The following ARHGEF10L variants were observed in gnomAD, a reference collection of about 807,000 sequenced individuals.
ARHGEF10L encodes rho guanine nucleotide exchange factor 10-like protein.
Under a neutral mutation model 141.2 loss-of-function variants are expected in ARHGEF10L, and 69 were observed. That is an observed-to-expected ratio of 0.49 (90% CI 0.40 to 0.60). The LOEUF (loss-of-function observed/expected upper bound fraction) is 0.60. Ranked by LOEUF, ARHGEF10L falls within the 20% of genes least tolerant of loss-of-function variation. ARHGEF10L has a pLI of 0.00. For synonymous variants in ARHGEF10L, 711 were observed against 718.5 expected, an observed-to-expected ratio of 0.99 and a Z score of 0.17; for missense variants, 1,482 against 1,734.3, an observed-to-expected ratio of 0.85 and a Z score of 2.58.
chr1:17,561,309 C>G (rs965781083), intron 1 of ARHGEF10L, among the ~76,000 whole-genome samples: 4 of 152,190 alleles, frequency 2.6e-5, no homozygotes, highest in African/African-American at 9.7e-5. Context: ...GGAGCAGTCT[C>G]TCACGGTTCT....
rs540179357 is a variant in ARHGEF10L at position 17,694,734 on chromosome 1, A to G, written c.3185-424A>G. ...CTACTTATGCCTTCCATCTGCACCAACACCGATGAGAAGCTTGCACCTCCC... is the reference window on the plus strand; with the variant it reads ...CTACTTATGCCTTCCATCTGCACCAGCACCGATGAGAAGCTTGCACCTCCC... On this transcript the variant is annotated intron_variant, in intron 27 of 28. Coordinates refer to ENST00000361221, the MANE Select transcript of ARHGEF10L (RefSeq NM_018125.4). 205 of 359,940 alleles carry G rather than the reference A, an allele frequency of 5.7e-4. 4 individuals are homozygous for G. Among genetic ancestry groups the G allele is most frequent in the South Asian group, 4.1e-3 (198 of 48,654 alleles). 22.3% of individuals were successfully genotyped at this position (359,940 alleles called of 1,614,324 possible).
chr1:17,623,122 C>A lies in ARHGEF10L; in HGVS notation c.1147C>A (p.Arg383Ser), dbSNP rs1317051284. 1 of 1,614,042 alleles carries A rather than the reference C, an allele frequency of 6.2e-7. No homozygotes were observed. Residue 383 changes from arginine (R) to serine (S), a missense_variant, in exon 12 of 29, where the codon CGC becomes AGC. Arg to Ser is a moderately radical substitution (Grantham distance 110, BLOSUM62 -1). Coordinates refer to ENST00000361221, the MANE Select transcript of ARHGEF10L (RefSeq NM_018125.4). The surrounding 1 kb of genome is among the most constrained non-coding windows in gnomAD (Gnocchi z 4.7). ...HSMFQIALSS[R>S]VAEWDSTEKI... ...CATGTTCCAGATCGCCCTGTCCTCC[C>A]GCGTGGCTGAGTGGGATTCCACCGA...
At position 17,634,540 on chromosome 1, in the gene ARHGEF10L, T is replaced by A. The variant is rs1243876195; in HGVS notation, c.1731-8T>A. 1.4e-5 allele frequency: 22 copies of A among 1,614,060 alleles called. No individual in the cohort carries two copies. On this transcript the variant is annotated splice_region_variant and splice_polypyrimidine_tract_variant and intron_variant, in intron 16 of 28. Coordinates refer to ENST00000361221, the MANE Select transcript of ARHGEF10L (RefSeq NM_018125.4). The stretch of plus-strand genomic sequence containing the variant: ...CAATCTCCCTTTCCTTCTTGTCTTT[T>A]TTCCCAGGCCTGCCAACCACAGGTA...
chr1:17,636,808 T>C (rs141429482), intron 18 of ARHGEF10L, among the ~76,000 whole-genome samples: 1 of 152,032 alleles, frequency 6.6e-6, no homozygotes, highest in Non-Finnish European at 1.5e-5. Flanking sequence ...CAAATAAGGC[T>C]TCCCCTCCAC....
chr1:17,601,458 CT>C (rs2080674814), intron 4 of ARHGEF10L, among the ~76,000 whole-genome samples: 1 of 152,082 alleles, frequency 6.6e-6, no homozygotes, highest in Admixed American at 6.5e-5. Context: ...TTTCTTTTTC[CT>C]TTTTTTGATG....
At position 17,593,773 on chromosome 1, in the gene ARHGEF10L, T is replaced by C. The variant is rs117831715; in HGVS notation, c.257+5294T>C. On this transcript the variant is annotated intron_variant, in intron 4 of 28. Transcript: ENST00000361221. ...GTGTTGTAAGTCACTAAGTTCGTGG[T>C]CATCTGTTACAGCAGCCATAGGAAA... is the stretch of plus-strand genomic sequence containing the variant. 8.6e-3 allele frequency among the ~76,000 whole-genome samples: 1,313 copies of C among 152,068 alleles called. 47 individuals carry two copies. In the East Asian group the frequency reaches 0.14, roughly 16 times the overall value.
chr1:17,667,841 G>A (rs2063079293), intron 26 of ARHGEF10L, among the ~76,000 whole-genome samples: 1 of 152,192 alleles, frequency 6.6e-6, no homozygotes, highest in South Asian at 2.1e-4. Flanking sequence ...GAGTGGGTAG[G>A]ACTGGGGAGG....
In ARHGEF10L at chr1:17,558,214, C is replaced by T. The variant is rs529092866; in HGVS notation, c.-44+18264C>T. Among the ~76,000 whole-genome samples, 3 of 152,108 alleles carry T rather than the reference C, an allele frequency of 2.0e-5. No individual in the cohort carries two copies. Among genetic ancestry groups the T allele is most frequent in the African/African-American group, 4.8e-5 (2 of 41,474 alleles). The stretch of plus-strand genomic sequence containing the variant: ...CCATCCATCCATCCATCCATCCATC[C>T]GCCTGCCCATCCATTCATCCATTTA... On this transcript the variant is annotated intron_variant, in intron 1 of 28. Transcript: ENST00000361221. The surrounding 1 kb of genome is among the most constrained non-coding windows in gnomAD (Gnocchi z 4.2).
chr1:17,643,547 G>A (rs1393834284), intron 21 of ARHGEF10L, among the ~76,000 whole-genome samples: 1 of 152,196 alleles, frequency 6.6e-6, no homozygotes, highest in Non-Finnish European at 1.5e-5. Flanking sequence ...GGTTTGAGAG[G>A]CAGTAAGGGG....
chr1:17,669,398 C>T (rs1442782566), intron 26 of ARHGEF10L, among the ~76,000 whole-genome samples: 1 of 152,206 alleles, frequency 6.6e-6, no homozygotes, highest in Non-Finnish European at 1.5e-5. Flanking sequence ...TTGCGCTTTA[C>T]CTATAGGATC....
chr1:17,557,709 G>A (rs535284917), intron 1 of ARHGEF10L, among the ~76,000 whole-genome samples: 4 of 152,344 alleles, frequency 2.6e-5, no homozygotes, highest in African/African-American at 9.6e-5. Flanking sequence ...AGGCCCAGGG[G>A]AAGATGGCCT....
chr1:17,688,158 G>A (rs1033620098), intron 27 of ARHGEF10L, among the ~76,000 whole-genome samples: 1 of 152,224 alleles, frequency 6.6e-6, no homozygotes, highest in Admixed American at 6.5e-5. Flanking sequence ...GAAAGCCAAC[G>A]GGTGGTCTCT....
intron 2 of ARHGEF10L, among the ~76,000 whole-genome samples, chr1:17,581,798 G>A (rs1205634871): frequency 1.3e-5 from 2 of 151,566 alleles, no homozygotes; most frequent in Non-Finnish European, 2.9e-5. Context: ...GGTGTCAGCA[G>A]GACAGACAGC....
the ARHGEF10L span, among the ~76,000 whole-genome samples, chr1:17,530,942 T>C: frequency 2.6e-5 from 4 of 151,188 alleles, no homozygotes; most frequent in Non-Finnish European, 1.5e-5. Context: ...GAGGCAGAGG[T>C]TGCAATGAGC....
At chr1:17,524,253 T>C in the ARHGEF10L span, among the ~76,000 whole-genome samples, 14 of 151,136 alleles carry the variant, frequency 9.3e-5, no homozygotes, top group South Asian at 1.9e-3. Context: ...TGCAGTGAGC[T>C]GAGATGGTGT....
chr1:17,620,380 G>A (rs1026533439), intron 10 of ARHGEF10L, among the ~76,000 whole-genome samples: 1 of 152,180 alleles, frequency 6.6e-6, no homozygotes, highest in African/African-American at 2.4e-5. Context: ...TGAGCAGGAT[G>A]TGTTGTAGGA....
intron 26 of ARHGEF10L, among the ~76,000 whole-genome samples, chr1:17,668,478 T>A (rs1467743770): frequency 1.3e-5 from 2 of 152,224 alleles, no homozygotes; most frequent in Non-Finnish European, 2.9e-5. Context: ...GGCGTGACCA[T>A]CCCTGGGGCC....
At chr1:17,616,228 T>C in intron 9 of ARHGEF10L, 26 bp downstream of exon 9, 1 of 1,564,886 alleles carries the variant, frequency 6.4e-7, no homozygotes, top group Middle Eastern at 1.8e-4. Flanking sequence ...AGCGGGAGGG[T>C]CTGGTGCCCA....
chr1:17,518,885 C>G, the ARHGEF10L span, among the ~76,000 whole-genome samples: 1 of 150,462 alleles, frequency 6.6e-6, no homozygotes, highest in African/African-American at 2.4e-5. Context: ...TAAGCAGCAT[C>G]AGTGCCAGGT....
Sources: allele counts gnomAD v4.1 joint callset (sites outside exome capture counted in the v4.1 genomes callset), GRCh38; gene constraint gnomAD v4.1.1; non-coding constraint Gnocchi (gnomAD v3.1); transcripts MANE v1.5; gene names NCBI Gene and HGNC (gene_info 2026-07-23, HGNC 2026-07-21).